TLE4: variants seen among roughly 807,000 people sequenced by gnomAD.
The protein encoded by TLE4 is TLE family member 4, transcriptional corepressor, also known as transducin-like enhancer protein 4.
Under a neutral mutation model 92.8 loss-of-function variants are expected in TLE4, and 8 were observed. That is an observed-to-expected ratio of 0.09 (90% CI 0.05 to 0.16). The LOEUF (loss-of-function observed/expected upper bound fraction) is 0.16. Ranked by LOEUF, TLE4 falls within the 10% of genes least tolerant of loss-of-function variation. The pLI is 1.00. For synonymous variants in TLE4, 371 were observed against 374.1 expected (o/e 0.99, Z 0.10); for missense variants, 675 against 997.6 (o/e 0.68, Z 4.36).
chr9:79,666,572 CTG>C (rs1312075950), intron 8 of TLE4, among the ~76,000 whole-genome samples: 1 of 152,172 alleles, frequency 6.6e-6, no homozygotes, highest in Non-Finnish European at 1.5e-5. Context: ...CTTAAAATCT[CTG>C]TCATGTTCCT....
intron 8 of TLE4, among the ~76,000 whole-genome samples, chr9:79,681,982 A>T (rs1393935350): frequency 6.6e-6 from 1 of 151,906 alleles, no homozygotes; most frequent in Admixed American, 6.6e-5. Flanking sequence ...GATTAGTTTG[A>T]ACTTACCTCA....
At chr9:79,620,851 T>C (rs2050781256) in intron 5 of TLE4, among the ~76,000 whole-genome samples, 1 of 152,076 alleles carries the variant, frequency 6.6e-6, no homozygotes, top group Non-Finnish European at 1.5e-5. Flanking sequence ...CTTTTTTTAC[T>C]CATGATGGAA....
At chr9:79,623,042 TG>T (rs2051439442) in intron 5 of TLE4, among the ~76,000 whole-genome samples, 1 of 152,202 alleles carries the variant, frequency 6.6e-6, no homozygotes, top group Admixed American at 6.5e-5. Context: ...ACTTTTTAAA[TG>T]TTTTTTTAAA....
At chr9:79,636,126 G>T (rs562526970) in intron 6 of TLE4, among the ~76,000 whole-genome samples, 1 of 152,048 alleles carries the variant, frequency 6.6e-6, no homozygotes, top group African/African-American at 2.4e-5. Flanking sequence ...TTATAAAATA[G>T]AAATAGGATC....
chr9:79,598,543 T>C (rs1184509276), intron 4 of TLE4, among the ~76,000 whole-genome samples: 1 of 152,210 alleles, frequency 6.6e-6, no homozygotes, highest in Non-Finnish European at 1.5e-5. Flanking sequence ...CTAAAAAGCA[T>C]TTAAAAATAC....
At chr9:79,662,396 C>G (rs2060659929) in intron 8 of TLE4, among the ~76,000 whole-genome samples, 1 of 152,102 alleles carries the variant, frequency 6.6e-6, no homozygotes, top group Admixed American at 6.5e-5. Flanking sequence ...AATAAGATCT[C>G]CTTGTTATTT....
intron 5 of TLE4, among the ~76,000 whole-genome samples, chr9:79,622,332 A>G (rs975517540): frequency 7.9e-5 from 12 of 151,974 alleles, no homozygotes; most frequent in East Asian, 3.9e-4. Flanking sequence ...TGTGTCCCCT[A>G]CCTGCTCTCC....
chr9:79,667,802 A>G (rs2061647222), intron 8 of TLE4, among the ~76,000 whole-genome samples: 1 of 152,158 alleles, frequency 6.6e-6, no homozygotes, highest in African/African-American at 2.4e-5. Context: ...AATGCCAGGC[A>G]AGGGTTAGGC....
chr9:79,636,271 A>T (rs1181356859), intron 6 of TLE4, among the ~76,000 whole-genome samples: 1 of 152,154 alleles, frequency 6.6e-6, no homozygotes, highest in East Asian at 1.9e-4. Context: ...CAGCCTGGGC[A>T]ACAGCAGGAT....
chr9:79,616,643 T>C (rs2049688497), intron 5 of TLE4, among the ~76,000 whole-genome samples: 1 of 152,180 alleles, frequency 6.6e-6, no homozygotes, highest in South Asian at 2.1e-4. Flanking sequence ...CATTGGCAAT[T>C]TTGGGATATG....
chr9:79,720,252 C>T lies in TLE4; in HGVS notation c.1797C>T (p.Gly599=), dbSNP rs1011328932. 12 of 1,614,120 alleles carry T rather than the reference C, an allele frequency of 7.4e-6. No individual in the cohort carries two copies. The highest frequency in any genetic ancestry group is 1.1e-5 in the South Asian group (1 of 91,086). The change falls in exon 16 of 20, where the codon GGC becomes GGT. Residue 599 remains glycine (G), a synonymous_variant. Coordinates refer to ENST00000376552, the MANE Select transcript of TLE4 (RefSeq NM_007005.6). ...SKVCFSCCSD[G]NIAVWDLHNQ... ...TCTGCTTCTCATGCTGCAGCGACGG[C>T]AACATCGCTGTGTGGGATCTGCACA...
At chr9:79,638,407 T>TA (rs2056429847) in intron 6 of TLE4, among the ~76,000 whole-genome samples, 1 of 152,242 alleles carries the variant, frequency 6.6e-6, no homozygotes, top group East Asian at 1.9e-4. Flanking sequence ...ATTGCAAACT[T>TA]AAAAAAATGG....
intron 4 of TLE4, among the ~76,000 whole-genome samples, chr9:79,594,118 G>C (rs1222028322): frequency 6.6e-6 from 1 of 152,188 alleles, no homozygotes. Context: ...AGGTGATTTT[G>C]ATGTACAGCA....
intron 4 of TLE4, among the ~76,000 whole-genome samples, chr9:79,590,206 C>T (rs2042201464): frequency 6.6e-6 from 1 of 152,140 alleles, no homozygotes; most frequent in African/African-American, 2.4e-5. Context: ...AGTGAAAAAA[C>T]AATAGCAGTT....
At chr9:79,578,629 A>C (rs2038704565) in intron 4 of TLE4, among the ~76,000 whole-genome samples, 1 of 152,208 alleles carries the variant, frequency 6.6e-6, no homozygotes, top group Admixed American at 6.5e-5. Context: ...ATAGAGAACT[A>C]TAAAATGAAA....
At chr9:79,644,998 C>G (rs1394827462) in intron 6 of TLE4, among the ~76,000 whole-genome samples, 1 of 152,156 alleles carries the variant, frequency 6.6e-6, no homozygotes, top group African/African-American at 2.4e-5. Context: ...CCAGAGTGCC[C>G]TACATCTTCA....
intron 5 of TLE4, among the ~76,000 whole-genome samples, chr9:79,620,161 C>T (rs1437892037): frequency 6.6e-6 from 1 of 152,188 alleles, no homozygotes; most frequent in Non-Finnish European, 1.5e-5. Flanking sequence ...ATTTATTTGA[C>T]TTTTAGTTAG....
intron 4 of TLE4, among the ~76,000 whole-genome samples, chr9:79,585,541 G>A (rs2132138780): frequency 1.3e-5 from 2 of 152,266 alleles, no homozygotes; most frequent in Middle Eastern, 3.4e-3. Flanking sequence ...ACCTTTAAGG[G>A]CCATGCTTTT....
chr9:79,603,824 A>G (rs1292511683), intron 4 of TLE4, among the ~76,000 whole-genome samples: 1 of 152,162 alleles, frequency 6.6e-6, no homozygotes. Flanking sequence ...CATACCAGCC[A>G]CTGGGGCTAT....
Sources: gnomAD v4.1 joint callset for allele counts (sites outside exome capture counted in the v4.1 genomes callset) on GRCh38, gnomAD v4.1.1 for gene constraint, MANE v1.5 for transcripts, NCBI Gene and HGNC (gene_info 2026-07-23, HGNC 2026-07-21) for gene names.